Variants in MYO3A observed in about 807,000 individuals in gnomAD.
MYO3A encodes the protein myosin IIIA, also known as myosin-IIIa.
A neutral mutation model predicts 192.7 loss-of-function variants in MYO3A; 180 were observed. That is an observed-to-expected ratio of 0.93 (90% CI 0.83 to 1.06). The LOEUF (loss-of-function observed/expected upper bound fraction) is 1.06. Among genes scored for constraint, MYO3A ranks in the 50% least tolerant of loss-of-function variants. The pLI is 0.00. For synonymous variants in MYO3A, 628 were observed against 645.3 expected (o/e 0.97, Z 0.41); for missense variants, 1,896 against 1,905.0 (o/e 1.00, Z 0.09).
At chr10:26,021,815 G>A in intron 8 of MYO3A, 167 bp downstream of exon 8, 2 of 890,790 alleles carry the variant, frequency 2.2e-6, no homozygotes, top group Non-Finnish European at 3.5e-6. Context: ...TATTTGTTCA[G>A]TAGTTGCATT....
Position 26,070,413 on chromosome 10 carries a change from T to G in MYO3A, c.1359+12T>G. On this transcript the variant is annotated intron_variant, in intron 14 of 34. Transcript: ENST00000642920. The stretch of plus-strand genomic sequence containing the variant: ...CAGTGCTTGGAAAGGTATAATTTAT[T>G]TTTTTCTCTGTCCCATCAGAAATAT... 1 of 1,604,914 alleles carries G rather than the reference T, an allele frequency of 6.2e-7. No homozygotes were observed. Among genetic ancestry groups the G allele is most frequent in the Non-Finnish European group, 8.5e-7 (1 of 1,173,264 alleles).
intron 10 of MYO3A, among the ~76,000 whole-genome samples, chr10:26,043,768 C>T (rs1843487631): frequency 6.6e-6 from 1 of 152,202 alleles, no homozygotes; most frequent in South Asian, 2.1e-4. Flanking sequence ...AGACTCAAGA[C>T]CTGGAATGGG....
At chr10:25,995,845 T>C (rs1002972219) in intron 4 of MYO3A, among the ~76,000 whole-genome samples, 7 of 152,220 alleles carry the variant, frequency 4.6e-5, no homozygotes, top group Non-Finnish European at 1.0e-4. Context: ...AATGTTGCTG[T>C]CTGATCGTTC....
intron 10 of MYO3A, among the ~76,000 whole-genome samples, chr10:26,066,512 A>G (rs1318945096): frequency 2.6e-5 from 4 of 152,212 alleles, no homozygotes; most frequent in African/African-American, 9.6e-5. Context: ...TTTTACACAC[A>G]TCTAACCTTT....
intron 2 of MYO3A, among the ~76,000 whole-genome samples, chr10:25,939,130 G>A (rs1588624493): frequency 6.6e-6 from 1 of 151,864 alleles, no homozygotes; most frequent in South Asian, 2.1e-4. Context: ...AATATTTCTA[G>A]GAAATTGTCC....
intron 6 of MYO3A, among the ~76,000 whole-genome samples, chr10:26,007,598 A>G (rs1161169386): frequency 2.6e-5 from 4 of 152,148 alleles, no homozygotes; most frequent in Non-Finnish European, 4.4e-5. Flanking sequence ...ACAGACAAAC[A>G]GAGAGCCAAA....
intron 10 of MYO3A, among the ~76,000 whole-genome samples, 178 bp downstream of exon 10, chr10:26,026,710 C>T (rs1368293355): frequency 6.6e-6 from 1 of 151,478 alleles, no homozygotes; most frequent in African/African-American, 2.4e-5. Context: ...GCAACACTTT[C>T]TTTTTTTTTG....
Position 26,168,726 on chromosome 10 carries a change from T to G in MYO3A, c.3126T>G (p.Tyr1042Ter), listed in dbSNP as rs747952173. The G allele has an allele frequency of 1.2e-5, 20 of 1,612,856 alleles. No homozygotes were observed. Among genetic ancestry groups the G allele is most frequent in the Middle Eastern group, 1.7e-4 (1 of 5,872 alleles). The change falls in exon 28 of 35, where the codon TAT becomes TAG. Residue 1042 changes from tyrosine (Y) to a stop codon, truncating the protein, a stop_gained. Coordinates refer to ENST00000642920, the MANE Select transcript of MYO3A (RefSeq NM_017433.5). LOFTEE classifies it high-confidence loss of function. ...ALGKTKVFLK[Y>*]YHVEQLNLMR... ...TAATTTTTCAGGTGTTCCTTAAGTA[T>G]TATCACGTGGAGCAGTTAAATCTAA...
intron 26 of MYO3A, among the ~76,000 whole-genome samples, chr10:26,160,034 A>C (rs1589056004): frequency 6.6e-6 from 1 of 152,268 alleles, no homozygotes; most frequent in South Asian, 2.1e-4. Context: ...TATCAAATTA[A>C]GATTAAAATT....
intron 10 of MYO3A, among the ~76,000 whole-genome samples, chr10:26,039,991 T>A (rs1029750018): frequency 6.6e-6 from 1 of 151,774 alleles, no homozygotes. Flanking sequence ...TTTTTTTTAA[T>A]TTTTGATGTA....
intron 10 of MYO3A, among the ~76,000 whole-genome samples, chr10:26,042,739 T>A (rs1416609553): frequency 6.6e-6 from 1 of 152,256 alleles, no homozygotes; most frequent in African/African-American, 2.4e-5. Flanking sequence ...TTCTTTGAGT[T>A]TCCTCAAAAC....
chr10:25,943,406 T>C (rs370434888), intron 2 of MYO3A, among the ~76,000 whole-genome samples: 18 of 152,178 alleles, frequency 1.2e-4, no homozygotes, highest in African/African-American at 4.3e-4. Flanking sequence ...TTTATTTCTA[T>C]TTCTGCAAAA....
intron 23 of MYO3A, 73 bp downstream of exon 23, chr10:26,147,632 A>T: frequency 6.3e-7 from 1 of 1,598,132 alleles, no homozygotes; most frequent in South Asian, 1.1e-5. Flanking sequence ...GCTTTTCACT[A>T]ATTTCATCCT....
At chr10:26,096,350 A>G (rs1289876590) in intron 15 of MYO3A, 31 bp from the exon 16 acceptor site, 1 of 1,454,588 alleles carries the variant, frequency 6.9e-7, no homozygotes. Context: ...GTTCTTACTA[A>G]CTACCTTACT....
At chr10:26,099,377 C>G (rs565791589) in intron 17 of MYO3A, among the ~76,000 whole-genome samples, 66 of 152,184 alleles carry the variant, frequency 4.3e-4, no homozygotes, top group Non-Finnish European at 7.5e-4. Context: ...TTGACTTCCT[C>G]TTTTCCTAAT....
rs764753847 is a variant in MYO3A at position 26,211,849 on chromosome 10, G to C, written c.4737G>C (p.Trp1579Cys). Residue 1579 changes from tryptophan (W) to cysteine (C), a missense_variant, in exon 35 of 35, where the codon TGG becomes TGC. Physicochemically the swap from Trp to Cys is radical, Grantham distance 215 (BLOSUM62 -2). Coordinates refer to ENST00000642920, the MANE Select transcript of MYO3A (RefSeq NM_017433.5). ...NQCIKANERC[W>C]AAESPEKEEE... is the part of the protein sequence containing the mutation. ...CCCTGGGTTTCACTTGCAGGTGCTG[G>C]GCGGCGGAGAGCCCCGAGAAGGAGG... 1 of 1,613,934 alleles carries C rather than the reference G, an allele frequency of 6.2e-7. No individual in the cohort carries two copies. Among genetic ancestry groups the C allele is most frequent in the South Asian group, 1.1e-5 (1 of 91,032 alleles).
intron 7 of MYO3A, among the ~76,000 whole-genome samples, chr10:26,019,070 C>T (rs1200904971): frequency 1.3e-5 from 2 of 151,952 alleles, no homozygotes; most frequent in Non-Finnish European, 2.9e-5. Context: ...GTGCAATCAT[C>T]ATCACAATCA....
chr10:25,972,027 C>T (rs965003283), intron 4 of MYO3A, among the ~76,000 whole-genome samples: 2 of 152,104 alleles, frequency 1.3e-5, no homozygotes. Flanking sequence ...CTGAATGCTT[C>T]TCATTAAATT....
intron 6 of MYO3A, among the ~76,000 whole-genome samples, chr10:26,004,902 G>A (rs1218540027): frequency 6.6e-6 from 1 of 152,154 alleles, no homozygotes; most frequent in East Asian, 1.9e-4. Context: ...ATGCTGATGA[G>A]TAAAGATAGA....
Sources: allele counts gnomAD v4.1 joint callset (sites outside exome capture counted in the v4.1 genomes callset), GRCh38; gene constraint gnomAD v4.1.1; transcripts MANE v1.5; gene names NCBI Gene and HGNC (gene_info 2026-07-23, HGNC 2026-07-21).